AFG2A: variants seen among roughly 807,000 people sequenced by gnomAD.
AFG2A encodes AAA ATPase AFG2A, also known as ATPase family gene 2 protein homolog A.
chr4:123,199,620 T>G, the AFG2A span, among the ~76,000 whole-genome samples: 1 of 151,856 alleles, frequency 6.6e-6, no homozygotes, highest in Non-Finnish European at 1.5e-5. Context: ...TACAGGCACG[T>G]GCCACCACAC....
the AFG2A span, chr4:122,934,876 C>T: frequency 1.8e-6 from 2 of 1,123,688 alleles, 1 homozygote; most frequent in Non-Finnish European, 2.5e-6. Flanking sequence ...ATTTCAGTTG[C>T]TTTGGGAGAT....
At chr4:123,008,147 A>T in the AFG2A span, among the ~76,000 whole-genome samples, 15 of 152,184 alleles carry the variant, frequency 9.9e-5, no homozygotes, top group African/African-American at 3.1e-4. Flanking sequence ...TGGCACCAGC[A>T]TCTCTTTCTG....
chr4:123,174,597 C>T, the AFG2A span, among the ~76,000 whole-genome samples: 150,788 of 152,226 alleles, frequency 0.99, 74,681 homozygotes, highest in East Asian at 1. Context: ...ATTACACTAA[C>T]GAAACAGAAG....
chr4:122,986,781 T>C, the AFG2A span, among the ~76,000 whole-genome samples: 7 of 152,160 alleles, frequency 4.6e-5, no homozygotes, highest in Admixed American at 1.3e-4. Context: ...AAAGAGAAAA[T>C]AACGTGTATT....
chr4:123,292,068 A>G, the AFG2A span, among the ~76,000 whole-genome samples: 88 of 152,104 alleles, frequency 5.8e-4, no homozygotes, highest in African/African-American at 2.0e-3. Flanking sequence ...ATTTCTTTTA[A>G]TTCTTGTTTC....
the AFG2A span, among the ~76,000 whole-genome samples, chr4:123,283,816 T>G: frequency 6.6e-6 from 1 of 152,168 alleles, no homozygotes; most frequent in Non-Finnish European, 1.5e-5. Flanking sequence ...AAGGGCAGAT[T>G]TGAGTAGTTC....
chr4:123,089,778 G>A, the AFG2A span, among the ~76,000 whole-genome samples: 2 of 151,952 alleles, frequency 1.3e-5, no homozygotes, highest in Non-Finnish European at 2.9e-5. Context: ...AGTAGAGACG[G>A]GGTTTCGCCA....
the AFG2A span, among the ~76,000 whole-genome samples, chr4:123,302,448 G>A: frequency 6.6e-6 from 1 of 152,068 alleles, no homozygotes; most frequent in Non-Finnish European, 1.5e-5. Context: ...TTAGTCCATA[G>A]TAGACAATTA....
the AFG2A span, among the ~76,000 whole-genome samples, chr4:123,033,211 A>G: frequency 6.6e-6 from 1 of 152,174 alleles, no homozygotes; most frequent in South Asian, 2.1e-4. Flanking sequence ...AAGGATAATG[A>G]TTTTAAGAAG....
chr4:123,261,506 G>A, the AFG2A span, among the ~76,000 whole-genome samples: 1 of 152,112 alleles, frequency 6.6e-6, no homozygotes, highest in African/African-American at 2.4e-5. Flanking sequence ...ATCTAGAGAT[G>A]ATGTATACAA....
the AFG2A span, among the ~76,000 whole-genome samples, chr4:123,143,182 G>GA: frequency 0.013 from 1,690 of 130,604 alleles, 10 homozygotes; most frequent in African/African-American, 0.032. Context: ...AGTTTTTCCA[G>GA]AAAAAAAAAA....
the AFG2A span, among the ~76,000 whole-genome samples, chr4:122,996,489 A>ATGGATGGATGGATAGATGGG: frequency 3.3e-5 from 5 of 152,068 alleles, no homozygotes; most frequent in Admixed American, 2.0e-4. Flanking sequence ...AACCAATGGG[A>ATGGATGGATGGATAGATGGG]TGGATGGATG....
the AFG2A span, among the ~76,000 whole-genome samples, chr4:123,178,391 T>G: frequency 1.3e-5 from 2 of 152,254 alleles, no homozygotes; most frequent in African/African-American, 2.4e-5. Context: ...TTTTTCCTTG[T>G]CTATTAGGAA....
chr4:123,176,053 A>G, the AFG2A span, among the ~76,000 whole-genome samples: 1 of 152,200 alleles, frequency 6.6e-6, no homozygotes, highest in Non-Finnish European at 1.5e-5. Flanking sequence ...TTCAGGAGGC[A>G]GAGACAACAC....
the AFG2A span, among the ~76,000 whole-genome samples, chr4:123,017,710 C>T: frequency 1.3e-5 from 2 of 151,834 alleles, no homozygotes; most frequent in African/African-American, 4.8e-5. Context: ...AGTGTATGAC[C>T]CCACAAAGAA....
the AFG2A span, among the ~76,000 whole-genome samples, chr4:122,966,513 C>G: frequency 6.6e-6 from 1 of 152,256 alleles, no homozygotes; most frequent in Admixed American, 6.5e-5. Flanking sequence ...ATATGCTGTT[C>G]CCCCTGCTTG....
At chr4:123,111,974 C>T in the AFG2A span, among the ~76,000 whole-genome samples, 1 of 152,174 alleles carries the variant, frequency 6.6e-6, no homozygotes, top group African/African-American at 2.4e-5. Context: ...CCGCCTGCCT[C>T]AGCCTCCCAA....
At chr4:122,945,371 A>G in the AFG2A span, among the ~76,000 whole-genome samples, 6 of 151,872 alleles carry the variant, frequency 4.0e-5, no homozygotes, top group Admixed American at 2.0e-4. Flanking sequence ...CCCCAGCCTC[A>G]CTGCCGCCTT....
the AFG2A span, chr4:123,102,265 G>A: frequency 7.1e-6 from 1 of 140,846 alleles, no homozygotes; most frequent in Non-Finnish European, 1.5e-5. Context: ...TTATCCAGGT[G>A]TGCAAAAGTG....
Sources: gnomAD v4.1 joint callset for allele counts (sites outside exome capture counted in the v4.1 genomes callset) on GRCh38, gnomAD v4.1.1 for gene constraint, MANE v1.5 for transcripts, NCBI Gene and HGNC (gene_info 2026-07-23, HGNC 2026-07-21) for gene names.